The following CSMD1 variants were observed in gnomAD, a reference collection of about 807,000 sequenced individuals.
CSMD1 encodes CUB and Sushi multiple domains 1.
CSMD1 carries 213 observed loss-of-function variants against 417.5 expected under a neutral mutation model. The ratio of observed to expected loss-of-function variants is 0.51; its 90% CI spans 0.46 to 0.57. CSMD1 has a LOEUF of 0.57. Among genes scored for constraint, CSMD1 ranks in the 20% least tolerant of loss-of-function variants. CSMD1 has a pLI of 0.00. For synonymous variants in CSMD1, 2,862 were observed against 1,736.8 expected (o/e 1.65, Z -16.11); for missense variants, 6,923 against 4,529.7 (o/e 1.53, Z -15.17).
intron 2 of CSMD1, among the ~76,000 whole-genome samples, chr8:4,422,655 C>A (rs1797315189): frequency 6.6e-6 from 1 of 151,946 alleles, no homozygotes; most frequent in Non-Finnish European, 1.5e-5. Flanking sequence ...TTCTTAATCC[C>A]TGGAACTTAT....
At chr8:4,470,929 G>C (rs191888342) in intron 2 of CSMD1, among the ~76,000 whole-genome samples, 18 of 151,662 alleles carry the variant, frequency 1.2e-4, no homozygotes, top group African/African-American at 4.1e-4. Context: ...GTGTAAATAA[G>C]TATTTTTGGG....
chr8:3,683,037 G>A (rs920785053), intron 7 of CSMD1, among the ~76,000 whole-genome samples: 24 of 151,992 alleles, frequency 1.6e-4, no homozygotes, highest in Non-Finnish European at 2.5e-4. Context: ...CACACACCAG[G>A]GACTGTTGTG....
intron 3 of CSMD1, among the ~76,000 whole-genome samples, chr8:4,136,460 G>C (rs146741253): frequency 8.5e-5 from 13 of 152,268 alleles, no homozygotes; most frequent in Non-Finnish European, 1.6e-4. Context: ...AAATGCCTCT[G>C]TGTGTTAGCA....
At chr8:4,392,847 A>G (rs973461426) in intron 3 of CSMD1, among the ~76,000 whole-genome samples, 2 of 151,828 alleles carry the variant, frequency 1.3e-5, no homozygotes, top group African/African-American at 4.8e-5. Context: ...AGGCACCTGT[A>G]ATCCCAGCTA....
At chr8:4,281,695 A>G (rs1265940281) in intron 3 of CSMD1, among the ~76,000 whole-genome samples, 7 of 152,222 alleles carry the variant, frequency 4.6e-5, no homozygotes, top group Non-Finnish European at 1.0e-4. Context: ...TAACATATAC[A>G]TACAAGTCAT....
At chr8:3,754,766 G>A (rs371435350) in intron 5 of CSMD1, among the ~76,000 whole-genome samples, 69 of 152,120 alleles carry the variant, frequency 4.5e-4, no homozygotes, top group East Asian at 1.4e-3. Flanking sequence ...CAAGACTTAC[G>A]AATTCTATGT....
chr8:3,186,248 G>T (rs1399596183), intron 36 of CSMD1, among the ~76,000 whole-genome samples: 1 of 152,142 alleles, frequency 6.6e-6, no homozygotes, highest in Admixed American at 6.5e-5. Flanking sequence ...ATATCTAGCA[G>T]GTACTTTAAG....
intron 3 of CSMD1, among the ~76,000 whole-genome samples, chr8:4,217,253 G>C (rs756025541): frequency 1.3e-5 from 2 of 152,148 alleles, no homozygotes; most frequent in African/African-American, 2.4e-5. Context: ...CTAGATATGG[G>C]ATTTAGAATT....
At chr8:3,948,949 G>C (rs1053896662) in intron 5 of CSMD1, among the ~76,000 whole-genome samples, 1 of 151,846 alleles carries the variant, frequency 6.6e-6, no homozygotes, top group Non-Finnish European at 1.5e-5. Flanking sequence ...ACTGAGGATG[G>C]GCTACTGGAA....
chr8:3,896,938 A>C (rs1051522405), intron 5 of CSMD1, among the ~76,000 whole-genome samples: 1 of 151,980 alleles, frequency 6.6e-6, no homozygotes, highest in African/African-American at 2.4e-5. Flanking sequence ...AAATCATGTC[A>C]TCAATACCCC....
chr8:4,911,491 C>A (rs1163241859), intron 1 of CSMD1, among the ~76,000 whole-genome samples: 1 of 151,964 alleles, frequency 6.6e-6, no homozygotes, highest in Non-Finnish European at 1.5e-5. Context: ...GGGTCTATAC[C>A]TCAATGTCAT....
At chr8:3,387,293 T>C (rs895695) in intron 18 of CSMD1, among the ~76,000 whole-genome samples, 73,315 of 152,044 alleles carry the variant, frequency 0.48, 17,905 homozygotes, top group Middle Eastern at 0.53. Flanking sequence ...GAAGGACAGT[T>C]GTTCTATCTA....
intron 12 of CSMD1, among the ~76,000 whole-genome samples, chr8:3,466,508 C>T (rs1351491282): frequency 6.6e-6 from 1 of 151,360 alleles, no homozygotes; most frequent in Non-Finnish European, 1.5e-5. Context: ...TACCCGGGTT[C>T]AAGCGATTCT....
intron 3 of CSMD1, among the ~76,000 whole-genome samples, chr8:4,195,800 G>A (rs2131232234): frequency 1.3e-5 from 2 of 152,254 alleles, no homozygotes; most frequent in East Asian, 3.9e-4. Context: ...GAGCTTGGAT[G>A]CACAGTCCTG....
chr8:4,057,692 T>C (rs1798768099), intron 3 of CSMD1, among the ~76,000 whole-genome samples: 1 of 151,808 alleles, frequency 6.6e-6, no homozygotes, highest in African/African-American at 2.4e-5. Flanking sequence ...CTTTAATCTA[T>C]CTTGAATTGA....
intron 3 of CSMD1, among the ~76,000 whole-genome samples, chr8:4,224,205 T>C (rs1801209866): frequency 7.1e-6 from 1 of 140,738 alleles, no homozygotes; most frequent in Non-Finnish European, 1.5e-5. Flanking sequence ...AAAGCGTTTG[T>C]GATCCAAGTC....
chr8:3,776,782 G>C (rs990094306), intron 5 of CSMD1, among the ~76,000 whole-genome samples: 3 of 123,816 alleles, frequency 2.4e-5, no homozygotes, highest in African/African-American at 7.1e-5. Context: ...TAGATGAGCA[G>C]TGATAGATAG....
At chr8:3,774,952 G>A (rs987907364) in intron 5 of CSMD1, among the ~76,000 whole-genome samples, 6 of 152,060 alleles carry the variant, frequency 3.9e-5, no homozygotes, top group Non-Finnish European at 8.8e-5. Context: ...ACGGGAAACA[G>A]GTAGCATATA....
chr8:4,297,328 C>G (rs1797742136), intron 3 of CSMD1, among the ~76,000 whole-genome samples: 1 of 151,852 alleles, frequency 6.6e-6, no homozygotes, highest in African/African-American at 2.4e-5. Context: ...CCTGTTTAAT[C>G]CAAATCTAAA....
Sources: allele counts gnomAD v4.1 joint callset (sites outside exome capture counted in the v4.1 genomes callset), GRCh38; gene constraint gnomAD v4.1.1; transcripts MANE v1.5; gene names NCBI Gene and HGNC (gene_info 2026-07-23, HGNC 2026-07-21).